Variants in AGPS observed in about 807,000 individuals in gnomAD.
AGPS encodes the protein alkylglycerone phosphate synthase, also known as alkyldihydroxyacetonephosphate synthase, peroxisomal.
In AGPS, 26 loss-of-function variants were observed where a neutral mutation model predicts 90.7. The ratio of observed to expected loss-of-function variants is 0.29; its 90% CI spans 0.21 to 0.40. The LOEUF (loss-of-function observed/expected upper bound fraction) is 0.40, where lower values mean the gene tolerates loss of function less well. Among genes scored for constraint, AGPS ranks in the 10% least tolerant of loss-of-function variants. AGPS has a pLI of 1.00. For missense variants in AGPS, 540 were observed against 816.1 expected (o/e 0.66, Z 4.12); for synonymous variants, 294 against 285.3 (o/e 1.03, Z -0.31).
chr2:177,477,300 A>G (rs1293718345), intron 10 of AGPS, among the ~76,000 whole-genome samples: 1 of 151,986 alleles, frequency 6.6e-6, no homozygotes, highest in African/African-American at 2.4e-5. Context: ...TTTTTTCAGT[A>G]TACTTTTTTG....
At chr2:177,447,602 C>CT (rs58821141) in intron 8 of AGPS, among the ~76,000 whole-genome samples, 56 of 140,188 alleles carry the variant, frequency 4.0e-4, no homozygotes, top group African/African-American at 4.7e-4. Flanking sequence ...TCCAAGTTTT[C>CT]TTTTTTTTTT....
At chr2:177,431,812 A>G (rs1461723666) in intron 2 of AGPS, among the ~76,000 whole-genome samples, 1 of 152,124 alleles carries the variant, frequency 6.6e-6, no homozygotes, top group Non-Finnish European at 1.5e-5. Context: ...AGGTGCTCTG[A>G]TTTCATATTG....
intron 17 of AGPS, among the ~76,000 whole-genome samples, chr2:177,518,519 C>G (rs954737026): frequency 1.3e-5 from 2 of 152,178 alleles, no homozygotes; most frequent in African/African-American, 4.8e-5. Flanking sequence ...ATCTCCTAAT[C>G]ACATCAATAT....
intron 1 of AGPS, among the ~76,000 whole-genome samples, chr2:177,411,208 A>G (rs1352547544): frequency 6.6e-6 from 1 of 152,160 alleles, no homozygotes; most frequent in African/African-American, 2.4e-5. Context: ...AATTTTTTCT[A>G]ATGTCTGCAA....
intron 19 of AGPS, among the ~76,000 whole-genome samples, 172 bp downstream of exon 19, chr2:177,523,977 G>C (rs868378098): frequency 6.6e-6 from 1 of 152,180 alleles, no homozygotes; most frequent in Non-Finnish European, 1.5e-5. Context: ...GGTTGTGGTA[G>C]TAGCCACTAG....
chr2:177,522,887 G>A (rs12616093), intron 18 of AGPS, among the ~76,000 whole-genome samples: 4 of 152,092 alleles, frequency 2.6e-5, no homozygotes, highest in African/African-American at 9.7e-5. Flanking sequence ...AGGTACTATA[G>A]ATATTTTACC....
At chr2:177,471,929 TTC>T (rs1423287273) in intron 10 of AGPS, among the ~76,000 whole-genome samples, 2 of 152,148 alleles carry the variant, frequency 1.3e-5, no homozygotes, top group African/African-American at 2.4e-5. Flanking sequence ...TAGGCTAATT[TTC>T]TCTTTTTGCC....
intron 10 of AGPS, among the ~76,000 whole-genome samples, chr2:177,471,720 G>A (rs978583989): frequency 6.6e-6 from 1 of 152,066 alleles, no homozygotes; most frequent in Non-Finnish European, 1.5e-5. Flanking sequence ...AGTTTCCTCA[G>A]GAAAGGCACA....
At chr2:177,536,871 C>T (rs190808437) in intron 19 of AGPS, among the ~76,000 whole-genome samples, 2 of 152,194 alleles carry the variant, frequency 1.3e-5, no homozygotes, top group Admixed American at 1.3e-4. Flanking sequence ...TTTAGTTGAG[C>T]TCGAAATGGT....
intron 1 of AGPS, among the ~76,000 whole-genome samples, chr2:177,406,273 C>G (rs1038170382): frequency 5.3e-5 from 8 of 152,168 alleles, no homozygotes; most frequent in Admixed American, 3.9e-4. Context: ...AATCTTTGTT[C>G]AGAGAAAGTG....
intron 5 of AGPS, among the ~76,000 whole-genome samples, chr2:177,438,243 T>G (rs1686476993): frequency 6.6e-6 from 1 of 152,156 alleles, no homozygotes; most frequent in Non-Finnish European, 1.5e-5. Context: ...AGGCATTTTC[T>G]TCATGTCTTT....
At chr2:177,419,494 TA>T (rs1288421315) in intron 1 of AGPS, among the ~76,000 whole-genome samples, 1 of 151,880 alleles carries the variant, frequency 6.6e-6, no homozygotes, top group East Asian at 1.9e-4. Context: ...GATTGCTTTT[TA>T]TGTTTTGTAC....
At chr2:177,442,195 C>A (rs924012565) in intron 6 of AGPS, among the ~76,000 whole-genome samples, 2 of 152,134 alleles carry the variant, frequency 1.3e-5, no homozygotes, top group African/African-American at 4.8e-5. Context: ...GCTTTCAGTT[C>A]CGTAATATTG....
intron 1 of AGPS, among the ~76,000 whole-genome samples, chr2:177,415,359 C>T (rs1685756598): frequency 6.6e-6 from 1 of 152,180 alleles, no homozygotes; most frequent in Non-Finnish European, 1.5e-5. Context: ...TGAAAGCTTA[C>T]TACATGATTG....
chr2:177,484,510 A>AT lies in AGPS; in HGVS notation c.1233+2331dup, dbSNP rs991439152. ...AGGCGACCACCACCAAGCCCAGCAG[A>AT]TTTTTTTGTATTTTTAGTGAAGATG... is the stretch of plus-strand genomic sequence containing the variant. On this transcript the variant is annotated intron_variant, in intron 11 of 19. Coordinates refer to ENST00000264167, the MANE Select transcript of AGPS (RefSeq NM_003659.4). Among the ~76,000 whole-genome samples the AT allele has an allele frequency of 2.8e-4, 42 of 151,780 alleles. 2 individuals carry two copies. The South Asian group carries it at 6.9e-3, about 25-fold the overall frequency.
chr2:177,456,703 C>T (rs575769057), intron 8 of AGPS, among the ~76,000 whole-genome samples: 1 of 152,122 alleles, frequency 6.6e-6, no homozygotes, highest in African/African-American at 2.4e-5. Flanking sequence ...ACAAAAGAAA[C>T]AAATTAATCG....
chr2:177,452,103 T>C (rs1217716231), intron 8 of AGPS, among the ~76,000 whole-genome samples: 1 of 152,210 alleles, frequency 6.6e-6, no homozygotes, highest in Admixed American at 6.5e-5. Context: ...TGGCCCACAG[T>C]ACAGCCTATT....
intron 11 of AGPS, among the ~76,000 whole-genome samples, chr2:177,491,131 G>A (rs1191567219): frequency 1.2e-5 from 1 of 82,832 alleles, no homozygotes; most frequent in African/African-American, 3.8e-5. Context: ...TGAGATTATA[G>A]GTGTGAGCCG....
At chr2:177,536,517 T>A (rs941536586) in intron 19 of AGPS, among the ~76,000 whole-genome samples, 1 of 152,026 alleles carries the variant, frequency 6.6e-6, no homozygotes, top group Non-Finnish European at 1.5e-5. Context: ...CCTTATAAAG[T>A]CTAATCCATT....
Sources: allele counts gnomAD v4.1 joint callset (sites outside exome capture counted in the v4.1 genomes callset), GRCh38; gene constraint gnomAD v4.1.1; transcripts MANE v1.5; gene names NCBI Gene and HGNC (gene_info 2026-07-23, HGNC 2026-07-21).